PER3: variants seen among roughly 807,000 people sequenced by gnomAD.
PER3 encodes period circadian regulator 3, also known as period circadian protein homolog 3.
In PER3, 107 loss-of-function variants were observed where a neutral mutation model predicts 127.2. That is an observed-to-expected ratio of 0.84 (90% CI 0.72 to 0.99). The LOEUF is 0.99. PER3 is among the 50% of genes least tolerant of loss of function. The pLI, the probability that PER3 is intolerant of heterozygous loss-of-function variation, is 0.00. For synonymous variants in PER3, 618 were observed against 585.8 expected, an observed-to-expected ratio of 1.05 and a Z score of -0.79; for missense variants, 1,560 against 1,525.8, an observed-to-expected ratio of 1.02 and a Z score of -0.37.
At chr1:7,836,028 C>CAAAAAA in intron 20 of PER3, 83 bp downstream of exon 20, 1 of 919,936 alleles carries the variant, frequency 1.1e-6, no homozygotes, top group Non-Finnish European at 1.6e-6. Flanking sequence ...GACGGAGTCT[C>CAAAAAA]GCCCTGTCAC....
intron 8 of PER3, among the ~76,000 whole-genome samples, chr1:7,801,557 T>C (rs1036144721): frequency 1.3e-5 from 2 of 152,204 alleles, no homozygotes; most frequent in African/African-American, 4.8e-5. Flanking sequence ...TCTGGTGTTA[T>C]TTACACTTGC....
In PER3 at chr1:7,827,688, A is replaced by C. The variant is rs2097309225; in HGVS notation, c.2759A>C (p.Glu920Ala). The C allele has an allele frequency of 6.2e-7, 1 of 1,614,162 alleles. No individual in the cohort carries two copies. The highest frequency in any genetic ancestry group is 1.3e-5 in the African/African-American group (1 of 75,050). ...REEEKWEAQS[E>A]GHPFITSRSS... ...GAGGAAAAGTGGGAGGCACAAAGCGAGGGGCACCCGTTCATTACTTCGAGA... is the reference window on the plus strand; with the variant it reads ...GAGGAAAAGTGGGAGGCACAAAGCGCGGGGCACCCGTTCATTACTTCGAGA... The change falls in exon 18 of 22, where the codon GAG becomes GCG. Residue 920 changes from glutamate (E) to alanine (A), a missense_variant. Glu to Ala is a moderately radical substitution (Grantham distance 107). Transcript: ENST00000377532.
At chr1:7,810,681 A>G in intron 13 of PER3, 93 bp downstream of exon 13, 1 of 1,217,398 alleles carries the variant, frequency 8.2e-7, no homozygotes, top group East Asian at 2.5e-5. Context: ...TAAAGTCATG[A>G]CCCTGTGTTG....
chr1:7,795,466 A>G (rs563382746), intron 6 of PER3, among the ~76,000 whole-genome samples: 1 of 152,160 alleles, frequency 6.6e-6, no homozygotes, highest in African/African-American at 2.4e-5. Context: ...AACTCTTAGG[A>G]AGTCTAATTG....
chr1:7,789,861 A>G (rs2097110796), intron 5 of PER3, among the ~76,000 whole-genome samples: 1 of 152,136 alleles, frequency 6.6e-6, no homozygotes. Context: ...GCTTGCTTCT[A>G]GCTCATCTCT....
chr1:7,797,627 C>A (rs2097151380), intron 6 of PER3, among the ~76,000 whole-genome samples: 1 of 145,648 alleles, frequency 6.9e-6, no homozygotes, highest in South Asian at 2.2e-4. Context: ...CAGAGCGAGA[C>A]TCCGTCTTTA....
At position 7,830,273 on chromosome 1, in the gene PER3, C is replaced by T. The variant is rs1033891865; in HGVS notation, c.3214+112C>T. 1.5e-5 allele frequency: 13 copies of T among 877,722 alleles called. No homozygotes were observed. The African/African-American group carries it at 1.7e-4, about 12-fold the overall frequency. 54.4% of individuals were successfully genotyped at this position (877,722 alleles called of 1,614,324 possible). On this transcript the variant is annotated intron_variant, in intron 19 of 21. Transcript: ENST00000377532. The stretch of plus-strand genomic sequence containing the variant: ...ATGTGGAAGTACAAGGTTTTTTTTT[C>T]TTTTTCCCTTTTTCCTTTTTGTCAG...
At position 7,827,595 on chromosome 1, in the gene PER3, C is replaced by T; in HGVS notation, c.2666C>T (p.Pro889Leu). The change falls in exon 18 of 22, where the codon CCC (proline) becomes CTC (leucine). Residue 889 changes from proline (P) to leucine (L), a missense_variant. Around this residue, in one of 3 missense-constraint regions of PER3, gnomAD observed 1,332 missense variants for 1,223.6 expected, o/e 1.09. Transcript: ENST00000377532. Reference sequence around the variant, plus strand: ...GCGACAGCCTCTTCTGCGATATCACCCTCAATGTCGTCAGCAATGAGTCCA... The same window carrying T: ...GCGACAGCCTCTTCTGCGATATCACTCTCAATGTCGTCAGCAATGAGTCCA... The part of the protein sequence containing the change: ...LGATASSAIS[P>L]SMSSAMSPTL... The T allele has an allele frequency of 6.2e-7, 1 of 1,614,182 alleles. No individual in the cohort carries two copies. The highest frequency in any genetic ancestry group is 8.5e-7 in the Non-Finnish European group (1 of 1,180,014).
Position 7,784,758 on chromosome 1 carries a change from T to A in PER3, c.-120T>A, listed in dbSNP as rs574698821. On this transcript the variant is annotated 5_prime_UTR_variant, in exon 2 of 22. Transcript: ENST00000377532. ...CCTGGCTCGTGGTGGCCGCCTGTTC[T>A]CACTAACGCCATGGCGGGGACCGGA... is the stretch of plus-strand genomic sequence containing the variant. 10 of 1,105,898 alleles carry A rather than the reference T, an allele frequency of 9.0e-6. No individual in the cohort carries two copies. In the East Asian group the frequency reaches 2.9e-4, roughly 32 times the overall value. 68.5% of individuals were successfully genotyped at this position (1,105,898 alleles called of 1,614,324 possible). A position where few individuals can be genotyped will look rare whatever the true frequency, so the allele number is the denominator to read the frequency against.
chr1:7,795,375 A>G lies in PER3; in HGVS notation c.644+1367A>G, dbSNP rs6702109. On this transcript the variant is annotated intron_variant, in intron 6 of 21. Transcript: ENST00000377532. The stretch of plus-strand genomic sequence containing the variant: ...ATTCAAATGCCTGTGTTGGCTGGTG[A>G]TAAGTTGTGTGTAGACAGTAAAGCA... 4.4e-3 allele frequency among the ~76,000 whole-genome samples: 667 copies of G among 152,286 alleles called. 4 individuals carry two copies. The highest frequency in any genetic ancestry group is 0.015 in the African/African-American group (610 of 41,542).
chr1:7,798,301 C>T (rs1191368330), intron 6 of PER3, among the ~76,000 whole-genome samples: 3 of 152,214 alleles, frequency 2.0e-5, no homozygotes, highest in Non-Finnish European at 4.4e-5. Context: ...TGTTTTTACA[C>T]TCACAGTAAT....
chr1:7,810,691 G>A, intron 13 of PER3, 103 bp downstream of exon 13: 1 of 1,111,208 alleles, frequency 9.0e-7, no homozygotes, highest in Non-Finnish European at 1.3e-6. Context: ...ACCCTGTGTT[G>A]CTGCTTTTCA....
chr1:7,827,703 T>C lies in PER3; in HGVS notation c.2774T>C (p.Ile925Thr), dbSNP rs780411923. The C allele has an allele frequency of 1.2e-6, 2 of 1,614,044 alleles. No individual in the cohort carries two copies. Among genetic ancestry groups the C allele is most frequent in the African/African-American group, 2.7e-5 (2 of 74,910 alleles). The stretch of plus-strand genomic sequence containing the variant: ...GCACAAAGCGAGGGGCACCCGTTCA[T>C]TACTTCGAGAAGCAGCTCACCCTTG... ...WEAQSEGHPF[I>T]TSRSSSPLQL... is the part of the protein sequence containing the mutation. The change falls in exon 18 of 22, where the codon ATT becomes ACT. Residue 925 changes from isoleucine to threonine, a missense_variant. By Grantham distance (89) the Ile-to-Thr change is moderately conservative. Around this residue, in one of 3 missense-constraint regions of PER3, gnomAD observed 1,332 missense variants for 1,223.6 expected, o/e 1.09. Transcript: ENST00000377532.
At chr1:7,840,452 C>T (rs769068006) in intron 21 of PER3, among the ~76,000 whole-genome samples, 3 of 151,220 alleles carry the variant, frequency 2.0e-5, no homozygotes, top group South Asian at 2.1e-4. Flanking sequence ...CTCAGCCTCC[C>T]GAGTAGCTAG....
intron 18 of PER3, among the ~76,000 whole-genome samples, chr1:7,828,552 T>C (rs2097313887): frequency 6.6e-6 from 1 of 152,214 alleles, no homozygotes; most frequent in African/African-American, 2.4e-5. Flanking sequence ...ATATTCAAAA[T>C]CTAGTGATAC....
intron 5 of PER3, among the ~76,000 whole-genome samples, chr1:7,793,561 A>G (rs1362802645): frequency 6.6e-6 from 1 of 152,234 alleles, no homozygotes; most frequent in Non-Finnish European, 1.5e-5. Flanking sequence ...GAAGCTGAAA[A>G]TAGTCTGAAT....
chr1:7,792,873 G>T (rs2097128348), intron 5 of PER3, among the ~76,000 whole-genome samples: 1 of 152,212 alleles, frequency 6.6e-6, no homozygotes, highest in Non-Finnish European at 1.5e-5. Flanking sequence ...AGATCACGTA[G>T]TCTAGCTTTC....
chr1:7,826,962 C>T lies in PER3; in HGVS notation c.2189-156C>T, dbSNP rs903773634. On this transcript the variant is annotated intron_variant, in intron 17 of 21. Coordinates refer to ENST00000377532, the MANE Select transcript of PER3 (RefSeq NM_001377275.1). The surrounding 1 kb of genome is among the most constrained non-coding windows in gnomAD (Gnocchi z 4.2). The stretch of plus-strand genomic sequence containing the variant: ...TTATTTGATAGCAACTATTTTTATC[C>T]GGAATTTTGTTCATCTTTTTAGAGC... The T allele has an allele frequency of 3.1e-6, 2 of 650,672 alleles. No individual in the cohort carries two copies. The highest frequency in any genetic ancestry group is 2.1e-5 in the South Asian group (1 of 48,026). 40.3% of individuals were successfully genotyped at this position (650,672 alleles called of 1,614,324 possible). A position where few individuals can be genotyped will look rare whatever the true frequency, so the allele number is the denominator to read the frequency against.
chr1:7,810,131 G>A, intron 12 of PER3, 110 bp downstream of exon 12: 2 of 1,048,410 alleles, frequency 1.9e-6, no homozygotes. Context: ...GACCTCAACT[G>A]ATAACAGATA....
Sources: allele counts gnomAD v4.1 joint callset (sites outside exome capture counted in the v4.1 genomes callset), GRCh38; gene constraint gnomAD v4.1.1; regional missense constraint gnomAD v4.1.1; non-coding constraint Gnocchi (gnomAD v3.1); transcripts MANE v1.5; gene names NCBI Gene and HGNC (gene_info 2026-07-23, HGNC 2026-07-21).